POLR3G: variants seen among roughly 807,000 people sequenced by gnomAD.
POLR3G encodes RNA polymerase III subunit G.
Under a neutral mutation model 30.1 loss-of-function variants are expected in POLR3G, and 28 were observed. The ratio of observed to expected loss-of-function variants is 0.93; its 90% CI spans 0.69 to 1.27. POLR3G has a LOEUF of 1.27. Among genes scored for constraint, POLR3G ranks in the 50% most tolerant of loss-of-function variants. POLR3G has a pLI of 0.00. For synonymous variants in POLR3G, 79 were observed against 82.5 expected (o/e 0.96, Z 0.23); for missense variants, 254 against 264.6 (o/e 0.96, Z 0.28).
At chr5:90,504,551 G>A (rs1206668669) in intron 6 of POLR3G, among the ~76,000 whole-genome samples, 1 of 74,922 alleles carries the variant, frequency 1.3e-5, no homozygotes, top group East Asian at 3.4e-4. Context: ...GACAGAGCAA[G>A]ACTCCCATCT....
intron 1 of POLR3G, among the ~76,000 whole-genome samples, chr5:90,481,392 C>A (rs1259331128): frequency 6.6e-6 from 1 of 151,562 alleles, no homozygotes; most frequent in Non-Finnish European, 1.5e-5. Flanking sequence ...GGAAATACAC[C>A]CAGAGAATAC....
chr5:90,506,002 A>G (rs1469553022), intron 6 of POLR3G, among the ~76,000 whole-genome samples: 1 of 152,106 alleles, frequency 6.6e-6, no homozygotes, highest in Non-Finnish European at 1.5e-5. Context: ...TGGGAGGCTA[A>G]GGTGGGCAGA....
At chr5:90,504,711 A>G (rs1344550787) in intron 6 of POLR3G, among the ~76,000 whole-genome samples, 1 of 152,188 alleles carries the variant, frequency 6.6e-6, no homozygotes, top group East Asian at 1.9e-4. Flanking sequence ...TAACTATACA[A>G]CTTATTGGTT....
upstream of POLR3G, chr5:90,474,286 C>G (rs1750653387): frequency 6.2e-7 from 1 of 1,613,048 alleles, no homozygotes. Context: ...CACTCGAGCG[C>G]CGACATGCTG....
intron 3 of POLR3G, chr5:90,490,521 C>T (rs879903812): frequency 6.3e-6 from 2 of 315,988 alleles, no homozygotes; most frequent in Non-Finnish European, 1.2e-5. Flanking sequence ...ACCTCAGCCT[C>T]TTGAGTAGCT....
chr5:90,508,891 G>A (rs1752614254), intron 7 of POLR3G, among the ~76,000 whole-genome samples: 1 of 152,106 alleles, frequency 6.6e-6, no homozygotes, highest in African/African-American at 2.4e-5. Flanking sequence ...GTGAAACCCT[G>A]TCTCTACTAG....
upstream of POLR3G, chr5:90,474,405 G>A (rs1750663328): frequency 9.3e-6 from 9 of 972,132 alleles, no homozygotes; most frequent in South Asian, 8.6e-5. Flanking sequence ...AGCCAGGGAG[G>A]AGGCGTAGAG....
upstream of POLR3G, chr5:90,474,422 G>A: frequency 7.3e-6 from 6 of 817,724 alleles, no homozygotes; most frequent in South Asian, 1.6e-5. Flanking sequence ...AGAGCGAGGC[G>A]GGGGCGTGGG....
At chr5:90,479,860 G>T (rs1397481226) in intron 1 of POLR3G, among the ~76,000 whole-genome samples, 2 of 152,152 alleles carry the variant, frequency 1.3e-5, no homozygotes, top group Non-Finnish European at 2.9e-5. Context: ...AATTCAGTTA[G>T]CCAAGAGGGA....
chr5:90,488,037 A>G lies in POLR3G; in HGVS notation c.155A>G (p.Glu52Gly), dbSNP rs372750594. The G allele has an allele frequency of 1.9e-6, 3 of 1,609,868 alleles. No individual in the cohort carries two copies. In the African/African-American group the frequency reaches 4.0e-5, roughly 22 times the overall value. ...DYKPVPLKTGEGEEYMLALKQ... is the reference protein window; with the variant it reads ...DYKPVPLKTGGGEEYMLALKQ... ...AAACCAGTGCCACTGAAAACAGGAGAAGGTGAAGAATATATGCTGGCTTTG... is the reference window on the plus strand; with the variant it reads ...AAACCAGTGCCACTGAAAACAGGAGGAGGTGAAGAATATATGCTGGCTTTG... Residue 52 changes from glutamate to glycine, a missense_variant, in exon 3 of 8, where the codon GAA becomes GGA. Physicochemically the swap from Glu to Gly is moderately conservative, Grantham distance 98. Transcript: ENST00000651687.
intron 5 of POLR3G, among the ~76,000 whole-genome samples, chr5:90,499,363 C>T (rs774582875): frequency 6.6e-6 from 1 of 152,094 alleles, no homozygotes; most frequent in Non-Finnish European, 1.5e-5. Context: ...TCTGGTATTT[C>T]GGAAGGTGGT....
chr5:90,492,738 C>T (rs1325121841), intron 3 of POLR3G, among the ~76,000 whole-genome samples: 1 of 151,720 alleles, frequency 6.6e-6, no homozygotes, highest in African/African-American at 2.4e-5. Flanking sequence ...AAAAATTAGC[C>T]AGGCGTGGTA....
upstream of POLR3G, chr5:90,474,298 G>A (rs756460082): frequency 4.3e-6 from 7 of 1,611,868 alleles, no homozygotes; most frequent in South Asian, 2.2e-5. Context: ...GACATGCTGG[G>A]CAGGGGTGCA....
intron 1 of POLR3G, among the ~76,000 whole-genome samples, chr5:90,482,574 T>G (rs113143705): frequency 6.6e-6 from 1 of 152,214 alleles, no homozygotes; most frequent in African/African-American, 2.4e-5. Flanking sequence ...TTAGAAATTA[T>G]AGTTTCGGAG....
rs147178356 is a variant in POLR3G, at chr5:90,488,225, G to A, written c.247+96G>A. Reference sequence around the variant, plus strand: ...ATAATCATTTAATGTTGATTGATTCGATTCAATAAAAAATTATCAACTACT... The same window carrying A: ...ATAATCATTTAATGTTGATTGATTCAATTCAATAAAAAATTATCAACTACT... On this transcript the variant is annotated intron_variant, in intron 3 of 7. Coordinates refer to ENST00000651687, the MANE Select transcript of POLR3G (RefSeq NM_006467.3). 27 of 1,093,656 alleles carry A rather than the reference G, an allele frequency of 2.5e-5. No individual in the cohort carries two copies. The East Asian group carries it at 6.6e-4, about 27-fold the overall frequency. The allele number at this position is 1,093,656 out of a possible 1,614,324, so 67.7% of individuals were successfully genotyped here.
chr5:90,496,264 C>T (rs897203778), intron 4 of POLR3G, among the ~76,000 whole-genome samples: 7 of 152,114 alleles, frequency 4.6e-5, no homozygotes, highest in Admixed American at 2.0e-4. Flanking sequence ...CAACACCCCC[C>T]ACCCTTAATA....
chr5:90,477,046 T>C (rs549251055), intron 1 of POLR3G, among the ~76,000 whole-genome samples: 129 of 152,268 alleles, frequency 8.5e-4, no homozygotes, highest in African/African-American at 2.8e-3. Flanking sequence ...AATACTTGAT[T>C]GGATTGAAGA....
At chr5:90,488,324 C>T (rs1751554932) in intron 3 of POLR3G, among the ~76,000 whole-genome samples, 195 bp downstream of exon 3, 1 of 152,040 alleles carries the variant, frequency 6.6e-6, no homozygotes, top group Admixed American at 6.5e-5. Flanking sequence ...TTAGAAATAT[C>T]TTTCATTATA....
chr5:90,474,407 G>A, upstream of POLR3G: 3 of 953,044 alleles, frequency 3.1e-6, no homozygotes, highest in South Asian at 1.5e-5. Context: ...CCAGGGAGGA[G>A]GCGTAGAGCG....
Sources: allele counts gnomAD v4.1 joint callset (sites outside exome capture counted in the v4.1 genomes callset), GRCh38; gene constraint gnomAD v4.1.1; transcripts MANE v1.5; gene names NCBI Gene and HGNC (gene_info 2026-07-23, HGNC 2026-07-21).